Variants in DLG2 observed in about 807,000 individuals in gnomAD.
DLG2 encodes the protein discs large MAGUK scaffold protein 2, also known as disks large homolog 2.
Under a neutral mutation model 132.5 loss-of-function variants are expected in DLG2, and 45 were observed. That is an observed-to-expected ratio of 0.34 (90% CI 0.27 to 0.44). The LOEUF is 0.44. Ranked by LOEUF, DLG2 falls within the 20% of genes least tolerant of loss-of-function variation. DLG2 has a pLI of 1.00. For synonymous variants in DLG2, 424 were observed against 419.6 expected, an observed-to-expected ratio of 1.01 and a Z score of -0.13; for missense variants, 1,045 against 1,196.9, an observed-to-expected ratio of 0.87 and a Z score of 1.87.
At position 84,167,749 on chromosome 11, in the gene DLG2, C is replaced by A. The variant is rs867495055; in HGVS notation, c.574-4238G>T. Among the ~76,000 whole-genome samples, 10 of 152,110 alleles carry A rather than the reference C, an allele frequency of 6.6e-5. No individual in the cohort carries two copies. The East Asian group carries it at 1.9e-3, about 29-fold the overall frequency. On this transcript the variant is annotated intron_variant, in intron 8 of 27. Coordinates refer to ENST00000376104, the MANE Select transcript of DLG2 (RefSeq NM_001142699.3). ...TGGTGCGATCTTGGCTCACTGCAAC[C>A]TCTGCATACCAGGTTTAAGTGATTC... is the stretch of plus-strand genomic sequence containing the variant.
chr11:85,501,319 G>A (rs1018806873), intron 3 of DLG2, among the ~76,000 whole-genome samples: 1 of 152,112 alleles, frequency 6.6e-6, no homozygotes, highest in Admixed American at 6.6e-5. Flanking sequence ...AAAAATCCTA[G>A]AAGAAAACCT....
At chr11:84,982,054 T>C (rs1037444015) in intron 6 of DLG2, among the ~76,000 whole-genome samples, 2 of 152,198 alleles carry the variant, frequency 1.3e-5, no homozygotes, top group African/African-American at 4.8e-5. Flanking sequence ...CACAGTATCA[T>C]GCTTTCTTGG....
intron 6 of DLG2, among the ~76,000 whole-genome samples, chr11:84,911,606 C>CA (rs1478006616): frequency 6.6e-6 from 1 of 152,076 alleles, no homozygotes; most frequent in Non-Finnish European, 1.5e-5. Context: ...AATTGCAAGT[C>CA]AAAATCAATT....
intron 16 of DLG2, among the ~76,000 whole-genome samples, chr11:83,862,663 CA>C (rs11370735): frequency 8.3e-4 from 123 of 148,944 alleles, no homozygotes; most frequent in African/African-American, 2.8e-3. Flanking sequence ...TCCCCCACTC[CA>C]AAAAAAAAGA....
chr11:84,410,370 C>G (rs2098893542), intron 7 of DLG2, among the ~76,000 whole-genome samples: 1 of 151,950 alleles, frequency 6.6e-6, no homozygotes, highest in Non-Finnish European at 1.5e-5. Context: ...TTTCAAATAT[C>G]CACAGATATT....
intron 7 of DLG2, among the ~76,000 whole-genome samples, chr11:84,431,241 A>AAGTAT (rs2098983790): frequency 1.3e-5 from 2 of 152,194 alleles, no homozygotes; most frequent in South Asian, 4.1e-4. Context: ...AGTATACGCA[A>AAGTAT]ACATACAGAA....
chr11:85,000,568 T>C (rs1290361112), intron 6 of DLG2, among the ~76,000 whole-genome samples: 1 of 152,216 alleles, frequency 6.6e-6, no homozygotes, highest in African/African-American at 2.4e-5. Flanking sequence ...AATTAGGGAA[T>C]GTGAATACCA....
intron 6 of DLG2, among the ~76,000 whole-genome samples, chr11:84,991,853 C>G (rs2057159607): frequency 6.6e-6 from 1 of 152,118 alleles, no homozygotes; most frequent in South Asian, 2.1e-4. Context: ...ATCATCTCTT[C>G]TTATGTTTGG....
At chr11:83,793,732 C>T (rs1037202461) in intron 17 of DLG2, among the ~76,000 whole-genome samples, 1 of 152,132 alleles carries the variant, frequency 6.6e-6, no homozygotes, top group African/African-American at 2.4e-5. Flanking sequence ...TACCTACCTA[C>T]CTATCAGGGC....
intron 6 of DLG2, chr11:84,761,982 A>C (rs146024771): frequency 6.6e-5 from 10 of 152,226 alleles, no homozygotes; most frequent in African/African-American, 2.2e-4. Context: ...GGCCCATCCT[A>C]TTCTTGAGTC....
intron 11 of DLG2, among the ~76,000 whole-genome samples, chr11:84,058,870 C>T (rs2096547179): frequency 6.6e-6 from 1 of 151,842 alleles, no homozygotes; most frequent in African/African-American, 2.4e-5. Context: ...GGGTACAACA[C>T]ATAAGAATAT....
intron 6 of DLG2, among the ~76,000 whole-genome samples, chr11:84,593,459 A>G (rs950430438): frequency 3.3e-5 from 5 of 152,250 alleles, no homozygotes; most frequent in Admixed American, 6.5e-5. Context: ...AATACTATGC[A>G]GCCATAAAAA....
chr11:84,534,819 T>C (rs2099351450), intron 6 of DLG2, 88 bp from the exon 7 acceptor site: 8 of 1,447,070 alleles, frequency 5.5e-6, no homozygotes, highest in South Asian at 3.4e-5. Context: ...ACTTCATCAA[T>C]AGGACACAGT....
chr11:84,286,136 T>A (rs1197638671), intron 7 of DLG2, among the ~76,000 whole-genome samples: 1 of 152,192 alleles, frequency 6.6e-6, no homozygotes, highest in Non-Finnish European at 1.5e-5. Context: ...TTTAACCTTC[T>A]CAGATTACTT....
chr11:84,450,421 T>TTC (rs1353230623), intron 7 of DLG2, among the ~76,000 whole-genome samples: 1 of 151,552 alleles, frequency 6.6e-6, no homozygotes, highest in Non-Finnish European at 1.5e-5. Flanking sequence ...TTTTTTTTTT[T>TTC]TTCCAGAAGA....
intron 7 of DLG2, among the ~76,000 whole-genome samples, chr11:84,468,479 A>G (rs1239945723): frequency 6.6e-6 from 1 of 151,464 alleles, no homozygotes; most frequent in Non-Finnish European, 1.5e-5. Flanking sequence ...ATGTATACCC[A>G]TGCTGCAATG....
intron 9 of DLG2, among the ~76,000 whole-genome samples, chr11:84,129,074 T>C (rs1036737361): frequency 3.9e-5 from 6 of 152,152 alleles, no homozygotes; most frequent in African/African-American, 1.4e-4. Context: ...AAAAGTTGTT[T>C]CAGGGACCTA....
At chr11:84,098,035 CT>C (rs35298703) in intron 10 of DLG2, among the ~76,000 whole-genome samples, 231 of 121,806 alleles carry the variant, frequency 1.9e-3, no homozygotes, top group Middle Eastern at 4.8e-3. Flanking sequence ...CACCATGTGC[CT>C]TTTTTTTTTT....
At chr11:85,056,996 T>C (rs78920491) in intron 6 of DLG2, among the ~76,000 whole-genome samples, 2,950 of 151,830 alleles carry the variant, frequency 0.019, 51 homozygotes, top group Admixed American at 0.041. Flanking sequence ...AGCAGAAACA[T>C]ACAGAAAGGA....
Sources: gnomAD v4.1 joint callset for allele counts (sites outside exome capture counted in the v4.1 genomes callset) on GRCh38, gnomAD v4.1.1 for gene constraint, MANE v1.5 for transcripts, NCBI Gene and HGNC (gene_info 2026-07-23, HGNC 2026-07-21) for gene names.